Variants in ATP11B observed in about 807,000 individuals in gnomAD.
ATP11B encodes ATPase phospholipid transporting 11B (putative).
Under a neutral mutation model 157.8 loss-of-function variants are expected in ATP11B, and 81 were observed. The ratio of observed to expected loss-of-function variants is 0.51; its 90% CI spans 0.43 to 0.62. The LOEUF (loss-of-function observed/expected upper bound fraction) is 0.62, where lower values mean the gene tolerates loss of function less well. Ranked by LOEUF, ATP11B falls within the 20% of genes least tolerant of loss-of-function variation. The pLI, the probability that ATP11B is intolerant of heterozygous loss-of-function variation, is 0.00. For missense variants in ATP11B, 1,165 were observed against 1,402.2 expected (o/e 0.83, Z 2.70); for synonymous variants, 451 against 469.4 (o/e 0.96, Z 0.51).
At chr3:182,858,997 TAA>T (rs1056756382) in intron 11 of ATP11B, among the ~76,000 whole-genome samples, 163 bp from the exon 12 acceptor site, 2 of 152,262 alleles carry the variant, frequency 1.3e-5, no homozygotes, top group Admixed American at 1.3e-4. Flanking sequence ...AATGTAATGT[TAA>T]AAAGACAATT....
intron 2 of ATP11B, 124 bp downstream of exon 2, chr3:182,820,500 A>T (rs886971572): frequency 3.0e-6 from 2 of 662,296 alleles, no homozygotes; most frequent in Admixed American, 5.2e-5. Flanking sequence ...TGTGGGCAAC[A>T]TAATGAGACC....
intron 2 of ATP11B, among the ~76,000 whole-genome samples, 176 bp downstream of exon 2, chr3:182,820,552 C>T (rs573476061): frequency 6.6e-6 from 1 of 152,198 alleles, no homozygotes; most frequent in South Asian, 2.1e-4. Flanking sequence ...GGTGTGGTGG[C>T]ACACCTCTAC....
rs1318923369 is a variant in ATP11B at position 182,859,254 on chromosome 3, A to G, written c.1095A>G (p.Lys365=). The change falls in exon 12 of 30, where the codon AAA becomes AAG. Residue 365 remains lysine (K), a synonymous_variant. Coordinates refer to ENST00000323116, the MANE Select transcript of ATP11B (RefSeq NM_014616.3). ...ISLYVTVEMQ[K]FLGSFFIGWD... ...TATATGTGACAGTCGAAATGCAGAA[A>G]TTTCTTGGATCATTTTTTATTGGCT... The G allele has an allele frequency of 1.9e-6, 3 of 1,612,562 alleles. No individual in the cohort carries two copies. The highest frequency in any genetic ancestry group is 8.5e-7 in the Non-Finnish European group (1 of 1,179,256).
rs10576498 is a variant in ATP11B at position 182,797,707 on chromosome 3, C to CAAAAAAGAAAAAAG, written c.27+3938_27+3951dup. On this transcript the variant is annotated intron_variant, in intron 1 of 29. Transcript: ENST00000323116. The stretch of plus-strand genomic sequence containing the variant: ...TGGGTGACAGAGGGAGACTCTGTCT[C>CAAAAAAGAAAAAAG]AAAAAAGAAAAAAGAAAAAAGAAAA... Among the ~76,000 whole-genome samples the CAAAAAAGAAAAAAG allele has an allele frequency of 8.5e-4, 125 of 147,096 alleles. 1 individual carries two copies. The highest frequency in any genetic ancestry group is 3.0e-3 in the African/African-American group (118 of 39,872).
intron 25 of ATP11B, among the ~76,000 whole-genome samples, chr3:182,891,328 C>T (rs1723161552): frequency 6.6e-6 from 1 of 151,668 alleles, no homozygotes; most frequent in Non-Finnish European, 1.5e-5. Context: ...TAATATGTGC[C>T]CATTGTGATA....
chr3:182,819,262 G>A (rs546546085), intron 1 of ATP11B, among the ~76,000 whole-genome samples: 77 of 151,534 alleles, frequency 5.1e-4, no homozygotes, highest in African/African-American at 1.8e-3. Context: ...TAGTAGAGAC[G>A]GGGTTTCACC....
chr3:182,829,322 A>G (rs897150894), intron 3 of ATP11B, among the ~76,000 whole-genome samples: 3 of 152,192 alleles, frequency 2.0e-5, no homozygotes, highest in Non-Finnish European at 1.5e-5. Flanking sequence ...TTCTTTCCCT[A>G]GTGTTGATAT....
intron 10 of ATP11B, 102 bp downstream of exon 10, chr3:182,848,659 A>G (rs1427179419): frequency 8.4e-6 from 4 of 477,316 alleles, no homozygotes; most frequent in Non-Finnish European, 1.2e-5. Flanking sequence ...AAGTAAACAG[A>G]ATGAAAACCT....
At chr3:182,845,006 A>ATTTT (rs375605298) in intron 8 of ATP11B, among the ~76,000 whole-genome samples, 1 of 125,838 alleles carries the variant, frequency 7.9e-6, no homozygotes, top group African/African-American at 3.2e-5. Flanking sequence ...TTTTTTTTTT[A>ATTTT]TTTTTTTTTA....
In ATP11B at chr3:182,900,679, T is replaced by C. The variant is rs1336877319; in HGVS notation, c.3318+1907T>C. On this transcript the variant is annotated intron_variant, in intron 28 of 29. Transcript: ENST00000323116. ...ACTTACTCTAGATCTTTATGGAGAATAATTTGTCTCCCTGTTTTGACCTAA... is the reference window on the plus strand; with the variant it reads ...ACTTACTCTAGATCTTTATGGAGAACAATTTGTCTCCCTGTTTTGACCTAA... Among the ~76,000 whole-genome samples, 8 of 152,360 alleles carry C rather than the reference T, an allele frequency of 5.3e-5. No homozygotes were observed. In the East Asian group the frequency reaches 1.5e-3, roughly 29 times the overall value.
intron 1 of ATP11B, among the ~76,000 whole-genome samples, chr3:182,806,050 A>C (rs1052470480): frequency 2.0e-5 from 3 of 152,128 alleles, no homozygotes; most frequent in Non-Finnish European, 2.9e-5. Context: ...TTGCTGAATA[A>C]CTTCTTTAGT....
chr3:182,794,989 C>CA (rs1272463595), intron 1 of ATP11B, among the ~76,000 whole-genome samples: 1 of 151,340 alleles, frequency 6.6e-6, no homozygotes, highest in Non-Finnish European at 1.5e-5. Context: ...TGTGGTGTTT[C>CA]AGAGCCAGCC....
chr3:182,868,580 C>G (rs1721416769), intron 15 of ATP11B, among the ~76,000 whole-genome samples: 1 of 151,934 alleles, frequency 6.6e-6, no homozygotes, highest in Non-Finnish European at 1.5e-5. Flanking sequence ...ACACACACAC[C>G]CAGGTTCACA....
Position 182,848,512 on chromosome 3 carries a change from C to G in ATP11B, c.806C>G (p.Ala269Gly). 1 of 1,577,090 alleles carries G rather than the reference C, an allele frequency of 6.3e-7. No homozygotes were observed. The highest frequency in any genetic ancestry group is 1.2e-5 in the South Asian group (1 of 82,816). ...TACACTGGAATGGAAACTAAGATGG[C>G]ATTAAATTACAAGAGCAAATCACAG... The part of the protein sequence containing the change: ...AVYTGMETKM[A>G]LNYKSKSQKR... Residue 269 changes from alanine (A) to glycine (G), a missense_variant, in exon 10 of 30, where the codon GCA (alanine) becomes GGA (glycine). Transcript: ENST00000323116.
At position 182,893,011 on chromosome 3, in the gene ATP11B, C is replaced by A. The variant is rs548296174; in HGVS notation, c.2982+3463C>A. Among the ~76,000 whole-genome samples, 11 of 152,222 alleles carry A rather than the reference C, an allele frequency of 7.2e-5. No individual in the cohort carries two copies. In the East Asian group the frequency reaches 1.9e-3, roughly 27 times the overall value. On this transcript the variant is annotated intron_variant, in intron 25 of 29. Transcript: ENST00000323116. ...GAGTTAATCTCTCACATAAAATTTG[C>A]CTAGCCCTTATCCAGTCTTAAAGTA... is the stretch of plus-strand genomic sequence containing the variant.
chr3:182,889,648 A>C, intron 25 of ATP11B, 100 bp downstream of exon 25: 1 of 1,068,356 alleles, frequency 9.4e-7, no homozygotes, highest in Non-Finnish European at 1.3e-6. Context: ...ACAGAACTTC[A>C]AGTATTAAAA....
At chr3:182,904,996 G>GT (rs775160965) in intron 28 of ATP11B, among the ~76,000 whole-genome samples, 1 of 149,886 alleles carries the variant, frequency 6.7e-6, no homozygotes, top group Non-Finnish European at 1.5e-5. Flanking sequence ...CTTCCCCTGT[G>GT]TTATAGGCAA....
Position 182,879,575 on chromosome 3 carries a change from A to G in ATP11B, c.2332A>G (p.Lys778Glu), listed in dbSNP as rs751093529. Reference protein sequence around the residue: ...SLSLALREHEKLFMEVCRNCS... With the variant: ...SLSLALREHEELFMEVCRNCS... ...ATCTCTTGCACTCAGGGAGCATGAA[A>G]AACTATTTATGGAAGTTTGCAGAAA... is the stretch of plus-strand genomic sequence containing the variant. Residue 778 changes from lysine to glutamate, a missense_variant, in exon 20 of 30, where the codon AAA (lysine) becomes GAA (glutamate). By Grantham distance (56) the Lys-to-Glu change is moderately conservative. This residue lies in a region of ATP11B where 737 missense variants were observed against 930.5 expected (regional missense o/e 0.79). Transcript: ENST00000323116. 2.0e-5 allele frequency: 32 copies of G among 1,614,168 alleles called. No homozygotes were observed. In the Admixed American group the frequency reaches 3.7e-4, roughly 18 times the overall value.
chr3:182,854,198 G>A (rs915740881), intron 10 of ATP11B, among the ~76,000 whole-genome samples: 7 of 152,158 alleles, frequency 4.6e-5, no homozygotes, highest in African/African-American at 1.4e-4. Flanking sequence ...AGCTGGGCGC[G>A]GTGGCTCACA....
Sources: gnomAD v4.1 joint callset for allele counts (sites outside exome capture counted in the v4.1 genomes callset) on GRCh38, gnomAD v4.1.1 for gene constraint, gnomAD v4.1.1 regional missense constraint, MANE v1.5 for transcripts, NCBI Gene and HGNC (gene_info 2026-07-23, HGNC 2026-07-21) for gene names.